The following DEPDC4 variants were observed in gnomAD, a reference collection of about 807,000 sequenced individuals.
DEPDC4 encodes DEP domain containing 4.
A neutral mutation model predicts 52.0 loss-of-function variants in DEPDC4; 52 were observed. The observed-to-expected ratio is 1.00, with a 90% CI of 0.80 to 1.26. The LOEUF (loss-of-function observed/expected upper bound fraction) is 1.26, where lower values mean the gene tolerates loss of function less well. DEPDC4 is among the 50% of genes most tolerant of loss of function. The probability of loss-of-function intolerance (pLI) is 0.00; values close to 1 mark genes in which losing one functional copy is unlikely to be tolerated. For missense variants in DEPDC4, 530 were observed against 546.9 expected (o/e 0.97, Z 0.31); for synonymous variants, 201 against 196.8 (o/e 1.02, Z -0.18).
At chr12:100,261,834 G>C (rs2096254721) in intron 3 of DEPDC4, 2 of 454,988 alleles carry the variant, frequency 4.4e-6, no homozygotes, top group Non-Finnish European at 8.8e-6. Context: ...TAAAACGTCA[G>C]TTCTTGGAAA....
the DEPDC4 span, among the ~76,000 whole-genome samples, chr12:100,278,053 A>G: frequency 4.6e-5 from 7 of 152,284 alleles, no homozygotes; most frequent in African/African-American, 1.4e-4. Flanking sequence ...TCTTCTGCAT[A>G]TATTATAAAC....
At chr12:100,245,705 A>G (rs572546781) in intron 8 of DEPDC4, among the ~76,000 whole-genome samples, 6 of 152,150 alleles carry the variant, frequency 3.9e-5, no homozygotes, top group Non-Finnish European at 8.8e-5. Flanking sequence ...CTGTGTTGTC[A>G]TAGTAGTCTC....
downstream of DEPDC4, among the ~76,000 whole-genome samples, chr12:100,237,297 T>A (rs2096142785): frequency 6.7e-6 from 1 of 150,316 alleles, no homozygotes; most frequent in African/African-American, 2.4e-5. Flanking sequence ...AACCTCCACC[T>A]CCCAAGTTCA....
chr12:100,269,721 C>T (rs748401079), upstream of DEPDC4, among the ~76,000 whole-genome samples: 18 of 152,126 alleles, frequency 1.2e-4, no homozygotes, highest in Non-Finnish European at 2.6e-4. Context: ...GATTTCCTTA[C>T]CACTGAAGAG....
At chr12:100,237,394 G>A (rs2096142984), downstream of DEPDC4, among the ~76,000 whole-genome samples, 1 of 152,030 alleles carries the variant, frequency 6.6e-6, no homozygotes, top group African/African-American at 2.4e-5. Flanking sequence ...TTTTAGTAGA[G>A]ATGGGTTTTC....
chr12:100,241,849 G>T lies in DEPDC4; in HGVS notation c.*47-4C>A. 190 of 1,019,218 alleles carry T rather than the reference G, an allele frequency of 1.9e-4. No individual in the cohort carries two copies. The highest frequency in any genetic ancestry group is 3.3e-4 in the East Asian group (3 of 9,228). 63.1% of individuals were successfully genotyped at this position (1,019,218 alleles called of 1,614,324 possible). A position where few individuals can be genotyped will look rare whatever the true frequency, so the allele number is the denominator to read the frequency against. On this transcript the variant is annotated splice_region_variant and splice_polypyrimidine_tract_variant and intron_variant, in intron 9 of 9. Coordinates refer to ENST00000550587, the MANE Select transcript of DEPDC4 (RefSeq NM_001364818.2). ...AAGGGTTGGCAAAACGTAAAGCCTG[G>T]AAAAAAAAAAAAAAAACAAAAGAAA... is the stretch of plus-strand genomic sequence containing the variant.
Position 100,240,314 on chromosome 12 carries a change from C to T in DEPDC4, c.*1578G>A, listed in dbSNP as rs2096153375. Among the ~76,000 whole-genome samples the T allele has an allele frequency of 6.6e-6, 1 of 152,104 alleles. No homozygotes were observed. The highest frequency in any genetic ancestry group is 2.4e-5 in the African/African-American group (1 of 41,430). On this transcript the variant is annotated 3_prime_UTR_variant, in exon 10 of 10. Coordinates refer to ENST00000550587, the MANE Select transcript of DEPDC4 (RefSeq NM_001364818.2). ...GGACTATAGGTGTGGGCTGCCACAC[C>T]TGGCTAAATTTTTTTTTTGTAGTTT...
chr12:100,241,753 T>C lies in DEPDC4; in HGVS notation c.*139A>G. The C allele has an allele frequency of 7.8e-7, 1 of 1,278,774 alleles. No individual in the cohort carries two copies. Among genetic ancestry groups the C allele is most frequent in the Non-Finnish European group, 1.0e-6 (1 of 983,644 alleles). 79.2% of individuals were successfully genotyped at this position (1,278,774 alleles called of 1,614,324 possible). Reference sequence around the variant, plus strand: ...TTCAGAGAGATGCTGGGGTTACTATTAATCTCAAGAGCCAACTGGTGTAGA... The same window carrying C: ...TTCAGAGAGATGCTGGGGTTACTATCAATCTCAAGAGCCAACTGGTGTAGA... On this transcript the variant is annotated 3_prime_UTR_variant, in exon 10 of 10. Coordinates refer to ENST00000550587, the MANE Select transcript of DEPDC4 (RefSeq NM_001364818.2).
At chr12:100,270,593 C>T (rs77494435), upstream of DEPDC4, among the ~76,000 whole-genome samples, 3,715 of 149,056 alleles carry the variant, frequency 0.025, 151 homozygotes, top group African/African-American at 0.086. Flanking sequence ...GATATTTAAG[C>T]GTATGTTGCC....
rs1297894332 is a variant in DEPDC4 at position 100,240,091 on chromosome 12, AT to A, written c.*1800del. Among the ~76,000 whole-genome samples, 2 of 152,212 alleles carry A rather than the reference AT, an allele frequency of 1.3e-5. No individual in the cohort carries two copies. Among genetic ancestry groups the A allele is most frequent in the Non-Finnish European group, 2.9e-5 (2 of 68,036 alleles). ...TCTAATATAGTTTATTTTTTCAAGA[AT>A]TTAATTAATTATGCTTCTGTTTCCC... is the stretch of plus-strand genomic sequence containing the variant. On this transcript the variant is annotated 3_prime_UTR_variant, in exon 10 of 10. Coordinates refer to ENST00000550587, the MANE Select transcript of DEPDC4 (RefSeq NM_001364818.2).
chr12:100,269,092 AAT>A (rs1218539185), upstream of DEPDC4, among the ~76,000 whole-genome samples: 29 of 152,166 alleles, frequency 1.9e-4, no homozygotes, highest in African/African-American at 7.0e-4. Flanking sequence ...ATGCAGACCT[AAT>A]AACATTGTCT....
chr12:100,252,222 TCTGCCCGCA>T lies in DEPDC4; in HGVS notation c.1319_1327del (p.Val440_Ala442del). ...CTCCAGTGGAAACCAGACCAGTTGT[TCTGCCCGCA>T]CTTTTAATAATGATTTGGCTTGCAA... On this transcript the variant is annotated inframe_deletion, in exon 7 of 10. Coordinates refer to ENST00000550587, the MANE Select transcript of DEPDC4 (RefSeq NM_001364818.2). 3.8e-6 allele frequency: 5 copies of T among 1,310,466 alleles called. No homozygotes were observed. The highest frequency in any genetic ancestry group is 2.0e-6 in the Non-Finnish European group (2 of 1,022,166). The allele number at this position is 1,310,466 out of a possible 1,614,324, so 81.2% of individuals were successfully genotyped here.
upstream of DEPDC4, among the ~76,000 whole-genome samples, chr12:100,270,625 T>TTC (rs1215459797): frequency 6.8e-5 from 10 of 145,992 alleles, no homozygotes; most frequent in Admixed American, 2.7e-4. Context: ...GTTGCTTTCT[T>TTC]TTTTTTTTTT....
chr12:100,232,350 C>T (rs904537811), intron 9 of DEPDC4, among the ~76,000 whole-genome samples: 1 of 151,154 alleles, frequency 6.6e-6, no homozygotes, highest in East Asian at 2.0e-4. Flanking sequence ...GAGCCACGTT[C>T]GCGCCACTGC....
At position 100,263,452 on chromosome 12, in the gene DEPDC4, T is replaced by A. The variant is rs2096260864; in HGVS notation, c.554+45A>T. 3.4e-6 allele frequency: 5 copies of A among 1,451,346 alleles called. No individual in the cohort carries two copies. In the East Asian group the frequency reaches 1.2e-4, roughly 34 times the overall value. 89.9% of individuals were successfully genotyped at this position (1,451,346 alleles called of 1,614,324 possible). ...TTTAGCTCAATAAAGACAGTTCTTC[T>A]AGGGTCTAAATAAAATATATTACAG... is the stretch of plus-strand genomic sequence containing the variant. On this transcript the variant is annotated intron_variant, in intron 2 of 9. Coordinates refer to ENST00000550587, the MANE Select transcript of DEPDC4 (RefSeq NM_001364818.2).
At position 100,267,066 on chromosome 12, in the gene DEPDC4, C is replaced by T. The variant is rs760521648; in HGVS notation, c.11G>A (p.Gly4Glu). ...CATAAGCTCGCGCGCTGGCTCCTCCCCTGGCACCATAGCCCCGCCCCACCT... is the reference window on the plus strand; with the variant it reads ...CATAAGCTCGCGCGCTGGCTCCTCCTCTGGCACCATAGCCCCGCCCCACCT... MVP[G>E]EEPARELMAV... The change falls in exon 1 of 10, where the codon GGG becomes GAG. Residue 4 changes from glycine to glutamate, a missense_variant. Gly to Glu is a moderately conservative substitution (Grantham distance 98). Transcript: ENST00000550587. 6 of 1,613,354 alleles carry T rather than the reference C, an allele frequency of 3.7e-6. No individual in the cohort carries two copies. The Admixed American group carries it at 5.0e-5, about 13-fold the overall frequency.
At chr12:100,252,959 C>T (rs2153910443) in intron 5 of DEPDC4, among the ~76,000 whole-genome samples, 1 of 152,352 alleles carries the variant, frequency 6.6e-6, no homozygotes, top group East Asian at 1.9e-4. Flanking sequence ...CTCTGTCGCC[C>T]AGGCTGGTGC....
chr12:100,235,574 T>C (rs1029312562), downstream of DEPDC4, among the ~76,000 whole-genome samples: 2 of 149,558 alleles, frequency 1.3e-5, no homozygotes, highest in African/African-American at 5.0e-5. Context: ...ACTGTATCAT[T>C]CTTTTTTTTT....
rs189510087 is a variant in DEPDC4 at position 100,263,166 on chromosome 12, T to C, written c.554+331A>G. ...TAGTAGAAACGAGGTTTTGCTATAA[T>C]GGCCAGGCTGGTTTCGAACTCCTGA... On this transcript the variant is annotated intron_variant, in intron 2 of 9. Coordinates refer to ENST00000550587, the MANE Select transcript of DEPDC4 (RefSeq NM_001364818.2). Among the ~76,000 whole-genome samples, 89 of 152,334 alleles carry C rather than the reference T, an allele frequency of 5.8e-4. 1 individual carries two copies. The highest frequency in any genetic ancestry group is 2.0e-3 in the African/African-American group (82 of 41,570).
Sources: gnomAD v4.1 joint callset for allele counts (sites outside exome capture counted in the v4.1 genomes callset) on GRCh38, gnomAD v4.1.1 for gene constraint, MANE v1.5 for transcripts, NCBI Gene and HGNC (gene_info 2026-07-23, HGNC 2026-07-21) for gene names.